The following CRACD variants were observed in gnomAD, a reference collection of about 807,000 sequenced individuals.
CRACD encodes capping protein-inhibiting regulator of actin dynamics.
A neutral mutation model predicts 106.8 loss-of-function variants in CRACD; 56 were observed. The ratio of observed to expected loss-of-function variants is 0.52; its 90% CI spans 0.42 to 0.66. The LOEUF (loss-of-function observed/expected upper bound fraction) is 0.66. Ranked by LOEUF, CRACD falls within the 30% of genes least tolerant of loss-of-function variation. CRACD has a pLI of 0.00. For synonymous variants in CRACD, 754 were observed against 670.8 expected, an observed-to-expected ratio of 1.12 and a Z score of -1.92; for missense variants, 1,730 against 1,623.2, an observed-to-expected ratio of 1.07 and a Z score of -1.13.
At chr4:56,243,855 A>T (rs905903609) in intron 2 of CRACD, among the ~76,000 whole-genome samples, 1 of 151,236 alleles carries the variant, frequency 6.6e-6, no homozygotes, top group Non-Finnish European at 1.5e-5. Flanking sequence ...ACTTTCAAAT[A>T]GTAGGTCTTA....
chr4:56,216,825 A>C (rs1244690504), intron 2 of CRACD, among the ~76,000 whole-genome samples: 1 of 151,006 alleles, frequency 6.6e-6, no homozygotes, highest in East Asian at 2.0e-4. Flanking sequence ...CTAAAAATAC[A>C]AAAAATTAGC....
intron 2 of CRACD, among the ~76,000 whole-genome samples, chr4:56,266,256 T>G (rs1306149220): frequency 6.6e-6 from 1 of 152,210 alleles, no homozygotes; most frequent in Non-Finnish European, 1.5e-5. Context: ...CCTTTTTTCC[T>G]ATAAATTCAG....
At chr4:56,203,817 C>G (rs1460063474) in intron 2 of CRACD, among the ~76,000 whole-genome samples, 6 of 152,190 alleles carry the variant, frequency 3.9e-5, no homozygotes, top group Admixed American at 1.3e-4. Flanking sequence ...CAGAAGTAAC[C>G]TATCACCAAG....
intron 2 of CRACD, among the ~76,000 whole-genome samples, chr4:56,190,867 C>A (rs1266461254): frequency 6.6e-6 from 1 of 152,106 alleles, no homozygotes; most frequent in East Asian, 1.9e-4. Context: ...AGCAGAGGTG[C>A]TCCGTGAGGG....
Position 56,181,145 on chromosome 4 carries a change from A to G in CRACD, c.-189+1715A>G, listed in dbSNP as rs190118878. Among the ~76,000 whole-genome samples the G allele has an allele frequency of 4.2e-3, 640 of 152,360 alleles. 2 individuals are homozygous for G. Among genetic ancestry groups the G allele is most frequent in the Admixed American group, 6.5e-3 (99 of 15,308 alleles). On this transcript the variant is annotated intron_variant, in intron 2 of 10. Transcript: ENST00000682029. ...ATAAACACGTTACTAGGATATTAGA[A>G]TCCACTGAGAACATGGAGAAAAGAA...
intron 2 of CRACD, among the ~76,000 whole-genome samples, chr4:56,196,185 A>AT (rs1232215981): frequency 6.6e-6 from 1 of 151,978 alleles, no homozygotes. Context: ...CATCTCTTCC[A>AT]TTTTTTTGCA....
intron 2 of CRACD, among the ~76,000 whole-genome samples, chr4:56,191,611 T>C (rs1279104475): frequency 6.6e-6 from 1 of 152,214 alleles, no homozygotes; most frequent in Non-Finnish European, 1.5e-5. Flanking sequence ...TTCTGGGAAT[T>C]GGAAAGTGGA....
chr4:56,120,480 C>T (rs559838670), intron 1 of CRACD, among the ~76,000 whole-genome samples: 5 of 152,122 alleles, frequency 3.3e-5, no homozygotes, highest in Non-Finnish European at 5.9e-5. Context: ...TAAGAAATTA[C>T]CAAATAGTTA....
chr4:56,306,697 C>A (rs370343654), intron 4 of CRACD, among the ~76,000 whole-genome samples: 38 of 152,312 alleles, frequency 2.5e-4, no homozygotes, highest in African/African-American at 9.1e-4. Context: ...CTTTTCTAAT[C>A]TGGCCTTCCT....
intron 1 of CRACD, among the ~76,000 whole-genome samples, chr4:56,151,071 A>T (rs976103801): frequency 2.8e-4 from 43 of 152,160 alleles, no homozygotes; most frequent in African/African-American, 1.0e-3. Context: ...ATCTCGGCTC[A>T]CTGCAACTTC....
intron 3 of CRACD, among the ~76,000 whole-genome samples, chr4:56,287,135 C>G (rs1743415504): frequency 1.3e-5 from 2 of 152,226 alleles, no homozygotes; most frequent in East Asian, 3.9e-4. Flanking sequence ...CTTTTATTCC[C>G]TTTTATTTTT....
chr4:56,284,287 T>A (rs1305428297), intron 3 of CRACD, among the ~76,000 whole-genome samples: 1 of 3,978 alleles, frequency 2.5e-4, no homozygotes, highest in Non-Finnish European at 4.6e-4. Context: ...GAACCCATCC[T>A]AAAGTAAAAA....
rs150413571 is a variant in CRACD at position 56,094,146 on chromosome 4, G to A, written c.-336+44847G>A. 3.5e-3 allele frequency among the ~76,000 whole-genome samples: 532 copies of A among 152,300 alleles called. 4 individuals carry two copies. The highest frequency in any genetic ancestry group is 0.012 in the African/African-American group (509 of 41,576). On this transcript the variant is annotated intron_variant, in intron 1 of 10. Transcript: ENST00000682029. ...TAAATATCTGAGGGATTTAAAAATT[G>A]TAGTTGAAAGGAAACTATTCAAGAT...
intron 2 of CRACD, among the ~76,000 whole-genome samples, chr4:56,201,081 C>T (rs1280495553): frequency 6.6e-6 from 1 of 152,168 alleles, no homozygotes; most frequent in Non-Finnish European, 1.5e-5. Flanking sequence ...TTCTTAACAT[C>T]CAGATATTTT....
At chr4:56,160,543 G>A (rs1292281099) in intron 1 of CRACD, among the ~76,000 whole-genome samples, 3 of 152,002 alleles carry the variant, frequency 2.0e-5, no homozygotes, top group Non-Finnish European at 2.9e-5. Context: ...ACAGACCCTC[G>A]CCTCCTGCCT....
chr4:56,323,621 T>G (rs1746247297), intron 9 of CRACD, 54 bp downstream of exon 9: 9 of 1,449,092 alleles, frequency 6.2e-6, no homozygotes, highest in Non-Finnish European at 7.3e-6. Flanking sequence ...TGGTTCTCTT[T>G]TCAGTCACAA....
intron 1 of CRACD, among the ~76,000 whole-genome samples, chr4:56,163,986 G>A (rs927081376): frequency 2.0e-5 from 3 of 152,052 alleles, no homozygotes; most frequent in African/African-American, 7.2e-5. Flanking sequence ...GGCCTCAAGT[G>A]ATCTGCCACC....
intron 5 of CRACD, among the ~76,000 whole-genome samples, chr4:56,308,420 C>T (rs1273441226): frequency 6.6e-6 from 1 of 151,802 alleles, no homozygotes. Context: ...CAAAGTCCAA[C>T]CAGTAGCGAG....
chr4:56,090,520 G>A (rs958644795), intron 1 of CRACD, among the ~76,000 whole-genome samples: 8 of 152,090 alleles, frequency 5.3e-5, no homozygotes, highest in African/African-American at 1.2e-4. Context: ...TCAGCCTCCC[G>A]AGTAGCTGGG....
Sources: allele counts gnomAD v4.1 joint callset (sites outside exome capture counted in the v4.1 genomes callset), GRCh38; gene constraint gnomAD v4.1.1; transcripts MANE v1.5; gene names NCBI Gene and HGNC (gene_info 2026-07-23, HGNC 2026-07-21).